KCTD8: variants seen among roughly 807,000 people sequenced by gnomAD.
KCTD8 encodes the protein BTB/POZ domain-containing protein KCTD8.
KCTD8 carries 27 observed loss-of-function variants against 31.5 expected under a neutral mutation model. The ratio of observed to expected loss-of-function variants is 0.86; its 90% CI spans 0.63 to 1.18. KCTD8 has a LOEUF of 1.18. Among genes scored for constraint, KCTD8 ranks in the 50% most tolerant of loss-of-function variants. The pLI is 0.00. For synonymous variants in KCTD8, 290 were observed against 280.0 expected, an observed-to-expected ratio of 1.04 and a Z score of -0.36; for missense variants, 658 against 647.7, an observed-to-expected ratio of 1.02 and a Z score of -0.17.
At chr4:44,235,525 T>C (rs1459555740) in intron 1 of KCTD8, among the ~76,000 whole-genome samples, 1 of 55,064 alleles carries the variant, frequency 1.8e-5, no homozygotes, top group Non-Finnish European at 3.8e-5. Context: ...AGACACTGGA[T>C]TATATATATA....
chr4:44,407,834 T>C (rs1024139302), intron 1 of KCTD8, among the ~76,000 whole-genome samples: 3 of 152,352 alleles, frequency 2.0e-5, no homozygotes, highest in Non-Finnish European at 2.9e-5. Context: ...ATTTATTATA[T>C]ATTAAACTGT....
At chr4:44,242,395 G>A (rs1289134085) in intron 1 of KCTD8, among the ~76,000 whole-genome samples, 8 of 152,018 alleles carry the variant, frequency 5.3e-5, no homozygotes, top group African/African-American at 9.7e-5. Flanking sequence ...TGGCTAACAC[G>A]GTGAAATCCC....
chr4:44,349,845 C>A (rs1240248843), intron 1 of KCTD8, among the ~76,000 whole-genome samples: 1 of 151,928 alleles, frequency 6.6e-6, no homozygotes, highest in African/African-American at 2.4e-5. Context: ...TATTTTAAAG[C>A]AAGTTAAAAA....
chr4:44,408,673 G>T (rs1036408308), intron 1 of KCTD8, among the ~76,000 whole-genome samples: 1 of 152,100 alleles, frequency 6.6e-6, no homozygotes, highest in African/African-American at 2.4e-5. Flanking sequence ...GCCTGGAGTG[G>T]AGTGGCAGAA....
chr4:44,195,074 C>A lies in KCTD8; in HGVS notation c.962-19824G>T, dbSNP rs1713898876. Among the ~76,000 whole-genome samples, 3 of 151,630 alleles carry A rather than the reference C, an allele frequency of 2.0e-5. No individual in the cohort carries two copies. In the South Asian group the frequency reaches 6.3e-4, roughly 32 times the overall value. On this transcript the variant is annotated intron_variant, in intron 1 of 1. Transcript: ENST00000360029. ...TTTATTTTTAGTACAGACGGGGTTT[C>A]ACCATGTTGGTCAGGCTGATCTTGA... is the stretch of plus-strand genomic sequence containing the variant.
intron 1 of KCTD8, among the ~76,000 whole-genome samples, chr4:44,399,270 A>C (rs1720585815): frequency 6.6e-6 from 1 of 152,160 alleles, no homozygotes; most frequent in Admixed American, 6.5e-5. Flanking sequence ...GGGGGAGTGA[A>C]AAGTAACTGA....
intron 1 of KCTD8, among the ~76,000 whole-genome samples, chr4:44,196,518 T>A (rs1316754899): frequency 6.6e-6 from 1 of 152,128 alleles, no homozygotes; most frequent in African/African-American, 2.4e-5. Flanking sequence ...CCCGCTCTCA[T>A]GAAGAAGAAA....
chr4:44,407,590 T>C (rs1469242796), intron 1 of KCTD8, among the ~76,000 whole-genome samples: 1 of 152,098 alleles, frequency 6.6e-6, no homozygotes, highest in African/African-American at 2.4e-5. Context: ...TTCTCCATGT[T>C]GGTCAGGCTG....
At position 44,241,443 on chromosome 4, in the gene KCTD8, C is replaced by T. The variant is rs145523691; in HGVS notation, c.962-66193G>A. Among the ~76,000 whole-genome samples, 27 of 152,274 alleles carry T rather than the reference C, an allele frequency of 1.8e-4. No homozygotes were observed. The East Asian group carries it at 3.7e-3, about 21-fold the overall frequency. ...CGTTCAGACCTCACAAAATTCTTTA[C>T]GATTATCTCTATTTCACAGAATGTG... On this transcript the variant is annotated intron_variant, in intron 1 of 1. Coordinates refer to ENST00000360029, the MANE Select transcript of KCTD8 (RefSeq NM_198353.3).
chr4:44,448,608 T>TG lies in KCTD8; in HGVS notation c.-86dup, dbSNP rs568062685. The stretch of plus-strand genomic sequence containing the variant: ...CGCGCCCCAGCCCTCCGCGTGCTCC[T>TG]GGCGCTCTGCGCCCTCGGACTGGGC... On this transcript the variant is annotated 5_prime_UTR_variant, in exon 1 of 2. Coordinates refer to ENST00000360029, the MANE Select transcript of KCTD8 (RefSeq NM_198353.3). This position sits in a 1 kb window ranked among gnomAD's most constrained non-coding sequence, Gnocchi z 4.1. 8.0e-4 allele frequency: 1,048 copies of TG among 1,316,032 alleles called. 6 individuals are homozygous for TG. The African/African-American group carries it at 0.015, about 18-fold the overall frequency. The allele number at this position is 1,316,032 out of a possible 1,614,324, so 81.5% of individuals were successfully genotyped here.
At position 44,390,999 on chromosome 4, in the gene KCTD8, A is replaced by T. The variant is rs553540641; in HGVS notation, c.961+56564T>A. On this transcript the variant is annotated intron_variant, in intron 1 of 1. Transcript: ENST00000360029. ...AGATACTTGCACACGACTCAGCCAT[A>T]AAAAGGGATGAAATAACGGCATTTG... Among the ~76,000 whole-genome samples the T allele has an allele frequency of 2.0e-5, 3 of 152,096 alleles. No individual in the cohort carries two copies. In the East Asian group the frequency reaches 5.8e-4, roughly 30 times the overall value.
At chr4:44,246,188 C>A (rs1380614421) in intron 1 of KCTD8, among the ~76,000 whole-genome samples, 1 of 151,916 alleles carries the variant, frequency 6.6e-6, no homozygotes, top group African/African-American at 2.4e-5. Flanking sequence ...AATCTAACCC[C>A]AACTTTTGCA....
At chr4:44,264,793 A>G (rs1269473147) in intron 1 of KCTD8, among the ~76,000 whole-genome samples, 1 of 152,160 alleles carries the variant, frequency 6.6e-6, no homozygotes, top group Non-Finnish European at 1.5e-5. Context: ...GCTAGCTAGC[A>G]CAGCAGTCTG....
rs1224176343 is a variant in KCTD8, at chr4:44,314,893, A to G, written c.961+132670T>C. Among the ~76,000 whole-genome samples, 36 of 124,970 alleles carry G rather than the reference A, an allele frequency of 2.9e-4. 1 individual carries two copies. In the South Asian group the frequency reaches 8.7e-3, roughly 30 times the overall value. The allele number at this position is 124,970 out of a possible 152,430, so 82.0% of individuals were successfully genotyped here. On this transcript the variant is annotated intron_variant, in intron 1 of 1. Coordinates refer to ENST00000360029, the MANE Select transcript of KCTD8 (RefSeq NM_198353.3). ...AAGACATTGTGAAAAAAAAAACAGGAAAAAAAAAAAACTTATACTCCTCCT... is the reference window on the plus strand; with the variant it reads ...AAGACATTGTGAAAAAAAAAACAGGGAAAAAAAAAAACTTATACTCCTCCT...
chr4:44,321,250 T>C (rs1416574043), intron 1 of KCTD8, among the ~76,000 whole-genome samples: 2 of 152,362 alleles, frequency 1.3e-5, no homozygotes, highest in East Asian at 3.9e-4. Flanking sequence ...AATGCTATTT[T>C]TGTGCACTAT....
chr4:44,241,367 G>C (rs1715452351), intron 1 of KCTD8, among the ~76,000 whole-genome samples: 2 of 152,192 alleles, frequency 1.3e-5, no homozygotes, highest in Admixed American at 6.5e-5. Context: ...ATAACTTGGT[G>C]GTTAGGTACT....
Position 44,447,476 on chromosome 4 carries a change from C to T in KCTD8, c.961+87G>A, listed in dbSNP as rs935082580. On this transcript the variant is annotated intron_variant, in intron 1 of 1. Coordinates refer to ENST00000360029, the MANE Select transcript of KCTD8 (RefSeq NM_198353.3). ...GTTAACCAGCGCCTGCCCCGGACAC[C>T]CCCGCGGGGCCTCCAGCGGGGCTCA... The T allele has an allele frequency of 8.4e-6, 12 of 1,432,662 alleles. No individual in the cohort carries two copies. The East Asian group carries it at 1.5e-4, about 18-fold the overall frequency. 88.7% of individuals were successfully genotyped at this position (1,432,662 alleles called of 1,614,324 possible).
intron 1 of KCTD8, among the ~76,000 whole-genome samples, chr4:44,194,563 C>T (rs1251408251): frequency 6.6e-6 from 1 of 152,084 alleles, no homozygotes; most frequent in South Asian, 2.1e-4. Context: ...TCTGGTATGA[C>T]TCATGTGACT....
At chr4:44,340,321 CAG>C in intron 1 of KCTD8, among the ~76,000 whole-genome samples, 1 of 149,716 alleles carries the variant, frequency 6.7e-6, no homozygotes, top group East Asian at 2.0e-4. Flanking sequence ...TTTTTTGAGA[CAG>C]AGTCTGGCTC....
Sources: gnomAD v4.1 joint callset for allele counts (sites outside exome capture counted in the v4.1 genomes callset) on GRCh38, gnomAD v4.1.1 for gene constraint, Gnocchi (gnomAD v3.1) non-coding constraint, MANE v1.5 for transcripts, NCBI Gene and HGNC (gene_info 2026-07-23, HGNC 2026-07-21) for gene names.